Variants in C1orf105 observed in about 807,000 individuals in gnomAD.
C1orf105 encodes uncharacterized protein C1orf105.
A neutral mutation model predicts 20.8 loss-of-function variants in C1orf105; 17 were observed. That is an observed-to-expected ratio of 0.82 (90% CI 0.56 to 1.23). C1orf105 has a LOEUF of 1.23. Ranked by LOEUF, C1orf105 falls within the 50% of genes most tolerant of loss-of-function variation. The pLI, the probability that C1orf105 is intolerant of heterozygous loss-of-function variation, is 0.00. For missense variants in C1orf105, 219 were observed against 213.5 expected, an observed-to-expected ratio of 1.03 and a Z score of -0.16; for synonymous variants, 72 against 72.1, an observed-to-expected ratio of 1.00 and a Z score of 0.01.
intron 1 of C1orf105, among the ~76,000 whole-genome samples, chr1:172,435,745 G>A (rs946089867): frequency 6.6e-6 from 1 of 152,166 alleles, no homozygotes; most frequent in Non-Finnish European, 1.5e-5. Context: ...GTTCTCGCCA[G>A]GGCAATCAGC....
Position 172,422,518 on chromosome 1 carries a change from C to T in C1orf105, c.21+1612C>T, listed in dbSNP as rs573447272. 2.6e-5 allele frequency among the ~76,000 whole-genome samples: 4 copies of T among 152,146 alleles called. No homozygotes were observed. The East Asian group carries it at 5.9e-4, about 22-fold the overall frequency. ...ATACCGTGGGCCTCAGCTGAAACTC[C>T]GAAATGCACTGGCTTCAGATGTGAC... On this transcript the variant is annotated intron_variant, in intron 1 of 6. Transcript: ENST00000367727.
chr1:172,431,255 A>G lies in C1orf105; in HGVS notation c.21+10349A>G, dbSNP rs551912123. 1.8e-5 allele frequency: 8 copies of G among 440,210 alleles called. 1 individual carries two copies. The highest frequency in any genetic ancestry group is 1.6e-4 in the Admixed American group (4 of 25,132). The allele number at this position is 440,210 out of a possible 1,614,324, so 27.3% of individuals were successfully genotyped here. A position where few individuals can be genotyped will look rare whatever the true frequency, so the allele number is the denominator to read the frequency against. ...CTTGTGACAAACAGCCAAGTTGTGA[A>G]TGCAAATAAAAAGTTATTGAAGGAA... On this transcript the variant is annotated intron_variant, in intron 1 of 6. Transcript: ENST00000367727.
intron 3 of C1orf105, among the ~76,000 whole-genome samples, chr1:172,452,060 A>AG (rs1214841005): frequency 1.3e-5 from 2 of 151,688 alleles, no homozygotes; most frequent in African/African-American, 2.4e-5. Flanking sequence ...TTTAGTAGAG[A>AG]GGGGGTTTCA....
At chr1:172,442,716 C>T in intron 1 of C1orf105, 1 of 1,048,996 alleles carries the variant, frequency 9.5e-7, no homozygotes, top group Non-Finnish European at 1.4e-6. Context: ...ATGAGACCTC[C>T]CTGGAAATTC....
chr1:172,442,053 T>C, intron 1 of C1orf105: 1 of 1,614,210 alleles, frequency 6.2e-7, no homozygotes, highest in Admixed American at 1.7e-5. Flanking sequence ...GAAGACGTGA[T>C]GCCAAGCATA....
intron 5 of C1orf105, among the ~76,000 whole-genome samples, chr1:172,464,658 T>C (rs890750431): frequency 1.4e-5 from 2 of 144,588 alleles, no homozygotes; most frequent in African/African-American, 5.1e-5. Context: ...TTTTTTTTTT[T>C]CTGGAAATTG....
In C1orf105 at chr1:172,468,778, G is replaced by C. The variant is rs1650250100; in HGVS notation, c.*184G>C. 1 of 504,336 alleles carries C rather than the reference G, an allele frequency of 2.0e-6. No individual in the cohort carries two copies. The allele number at this position is 504,336 out of a possible 1,614,324, so 31.2% of individuals were successfully genotyped here. A position where few individuals can be genotyped will look rare whatever the true frequency, so the allele number is the denominator to read the frequency against. ...TATGTTCTTTCTCACGTCTCCTAAA[G>C]ACAAAATTGTTTAATTTACATGATT... is the stretch of plus-strand genomic sequence containing the variant. On this transcript the variant is annotated 3_prime_UTR_variant, in exon 7 of 7. Transcript: ENST00000367727.
rs2071566758 is a variant in C1orf105, at chr1:172,420,854, A to G, written c.-32A>G. The G allele has an allele frequency of 2.5e-6, 4 of 1,610,404 alleles. No individual in the cohort carries two copies. The East Asian group carries it at 8.9e-5, about 36-fold the overall frequency. ...AGCTAGGTTTCCCCAGTCTCCAGCT[A>G]GAAAAACTCAGAACATCTAAAGATC... On this transcript the variant is annotated 5_prime_UTR_variant, in exon 1 of 7. Transcript: ENST00000367727.
At chr1:172,454,264 T>G (rs1330156008) in intron 3 of C1orf105, among the ~76,000 whole-genome samples, 3 of 151,960 alleles carry the variant, frequency 2.0e-5, no homozygotes, top group African/African-American at 7.3e-5. Context: ...CTAGGAAGCC[T>G]TTCCTGATTT....
At chr1:172,455,054 T>C (rs1266338696) in intron 3 of C1orf105, among the ~76,000 whole-genome samples, 4 of 152,262 alleles carry the variant, frequency 2.6e-5, no homozygotes, top group Admixed American at 2.6e-4. Context: ...TACTGTTGAA[T>C]GAATGAATCT....
intron 1 of C1orf105, among the ~76,000 whole-genome samples, chr1:172,437,761 C>T (rs1172930435): frequency 2.4e-5 from 3 of 126,106 alleles, no homozygotes; most frequent in Admixed American, 8.2e-5. Context: ...TAATAATAAA[C>T]AAAACGATTT....
intron 4 of C1orf105, 53 bp downstream of exon 4, chr1:172,456,542 G>T: frequency 6.5e-7 from 1 of 1,533,696 alleles, no homozygotes. Context: ...GTGCAGCACT[G>T]CCCTTCCCAG....
intron 1 of C1orf105, chr1:172,431,016 C>T: frequency 3.3e-6 from 2 of 597,808 alleles, no homozygotes; most frequent in Non-Finnish European, 5.9e-6. Flanking sequence ...GACTGCTCCA[C>T]TGACCAGCTC....
chr1:172,462,360 G>A (rs558737666), intron 5 of C1orf105, 115 bp downstream of exon 5: 3 of 721,054 alleles, frequency 4.2e-6, no homozygotes, highest in South Asian at 2.3e-5. Flanking sequence ...TAGGGAACAG[G>A]CTTCTTGACT....
rs144890028 is a variant in C1orf105, at chr1:172,461,745, T to C, written c.274-433T>C. Among the ~76,000 whole-genome samples, 544 of 152,328 alleles carry C rather than the reference T, an allele frequency of 3.6e-3. 3 individuals are homozygous for C. The highest frequency in any genetic ancestry group is 0.012 in the African/African-American group (515 of 41,580). On this transcript the variant is annotated intron_variant, in intron 4 of 6. Transcript: ENST00000367727. ...GACAAGGTCTATGCCCTCATGAAGC[T>C]GAAAGTCTATTAGGGAACCCAGACA...
chr1:172,445,019 A>T (rs993044781), intron 1 of C1orf105, 54 bp from the exon 2 acceptor site: 14 of 1,427,650 alleles, frequency 9.8e-6, no homozygotes, highest in Non-Finnish European at 1.4e-5. Flanking sequence ...CATCGTAATG[A>T]TAGCAATGTT....
At chr1:172,454,548 A>G (rs1207548897) in intron 3 of C1orf105, among the ~76,000 whole-genome samples, 2 of 151,844 alleles carry the variant, frequency 1.3e-5, no homozygotes, top group South Asian at 2.1e-4. Context: ...CACTCCATTC[A>G]ACCTCCCACC....
chr1:172,434,886 T>C (rs1433131826), intron 1 of C1orf105, among the ~76,000 whole-genome samples: 4 of 151,896 alleles, frequency 2.6e-5, no homozygotes, highest in Non-Finnish European at 4.4e-5. Flanking sequence ...AAGAATCAAA[T>C]AGACACAATA....
chr1:172,459,246 G>A (rs903596430), intron 4 of C1orf105, among the ~76,000 whole-genome samples: 3 of 151,920 alleles, frequency 2.0e-5, no homozygotes, highest in Admixed American at 6.6e-5. Flanking sequence ...TCAAGAACAC[G>A]AAAAGACAAC....
Sources: gnomAD v4.1 joint callset for allele counts (sites outside exome capture counted in the v4.1 genomes callset) on GRCh38, gnomAD v4.1.1 for gene constraint, MANE v1.5 for transcripts, NCBI Gene and HGNC (gene_info 2026-07-23, HGNC 2026-07-21) for gene names.